The following HS1BP3 variants were observed in gnomAD, a reference collection of about 807,000 sequenced individuals.
The protein encoded by HS1BP3 is HCLS1-binding protein 3.
HS1BP3 carries 32 observed loss-of-function variants against 33.5 expected under a neutral mutation model. That is an observed-to-expected ratio of 0.95 (90% CI 0.72 to 1.28). The LOEUF (loss-of-function observed/expected upper bound fraction) is 1.28. Ranked by LOEUF, HS1BP3 falls within the 50% of genes most tolerant of loss-of-function variation. The pLI is 0.00. For missense variants in HS1BP3, 486 were observed against 502.3 expected, an observed-to-expected ratio of 0.97 and a Z score of 0.31; for synonymous variants, 187 against 209.2, an observed-to-expected ratio of 0.89 and a Z score of 0.92.
intron 5 of HS1BP3, 148 bp from the exon 6 acceptor site, chr2:20,624,179 T>C (rs999531614): frequency 1.0e-5 from 11 of 1,061,654 alleles, no homozygotes; most frequent in Non-Finnish European, 1.4e-5. Flanking sequence ...TGGTGCTGCT[T>C]TGTAACTGTC....
At chr2:20,620,103 G>A (rs1426232298) in intron 6 of HS1BP3, among the ~76,000 whole-genome samples, 1 of 152,268 alleles carries the variant, frequency 6.6e-6, no homozygotes, top group Non-Finnish European at 1.5e-5. Flanking sequence ...TTGATTTCTG[G>A]AGACCAGATG....
intron 5 of HS1BP3, among the ~76,000 whole-genome samples, chr2:20,566,207 T>G (rs529213501): frequency 4.7e-4 from 71 of 152,300 alleles, no homozygotes; most frequent in African/African-American, 1.6e-3. Context: ...CCAGACTTAT[T>G]CCCCTGCAGT....
chr2:20,650,512 C>T lies in HS1BP3; in HGVS notation c.32+520G>A, dbSNP rs369477749. ...CTCCCTGGTCTCTCATCAAACTCAT[C>T]CTCCCAGAAACCGGGTTCCTGCCCT... is the stretch of plus-strand genomic sequence containing the variant. On this transcript the variant is annotated intron_variant, in intron 1 of 6. Coordinates refer to ENST00000304031, the MANE Select transcript of HS1BP3 (RefSeq NM_022460.4). Among the ~76,000 whole-genome samples the T allele has an allele frequency of 9.8e-5, 15 of 152,312 alleles. No individual in the cohort carries two copies. In the South Asian group the frequency reaches 2.7e-3, roughly 27 times the overall value.
At chr2:20,599,029 G>T (rs180878273) in intron 2 of HS1BP3, among the ~76,000 whole-genome samples, 1 of 152,226 alleles carries the variant, frequency 6.6e-6, no homozygotes, top group Admixed American at 6.5e-5. Flanking sequence ...ATGGGGTGAG[G>T]TCGGTGGAAA....
chr2:20,610,899 C>T (rs4666439), intron 2 of HS1BP3, among the ~76,000 whole-genome samples: 56,491 of 152,112 alleles, frequency 0.37, 10,785 homozygotes, highest in East Asian at 0.58. Flanking sequence ...ATGCTCACAG[C>T]GTAGCACACT....
intron 2 of HS1BP3, 71 bp downstream of exon 2, chr2:20,645,269 G>T: frequency 2.0e-6 from 3 of 1,487,892 alleles, no homozygotes; most frequent in Non-Finnish European, 2.7e-6. Context: ...TTGAACCCTG[G>T]TGGGCAGATG....
At chr2:20,645,267 T>A in intron 2 of HS1BP3, 73 bp downstream of exon 2, 2 of 1,479,438 alleles carry the variant, frequency 1.4e-6, no homozygotes, top group Non-Finnish European at 1.8e-6. Context: ...ACTTGAACCC[T>A]GGTGGGCAGA....
downstream of HS1BP3, among the ~76,000 whole-genome samples, chr2:20,556,321 G>A (rs968025682): frequency 7.9e-5 from 12 of 152,188 alleles, no homozygotes; most frequent in African/African-American, 2.9e-4. Flanking sequence ...CTTAAACCTT[G>A]GTATGGTTTT....
intron 5 of HS1BP3, among the ~76,000 whole-genome samples, chr2:20,570,366 G>A (rs919775005): frequency 2.0e-5 from 3 of 152,150 alleles, no homozygotes; most frequent in African/African-American, 7.2e-5. Flanking sequence ...CTGAACTTGA[G>A]CTCTTGGGCT....
chr2:20,579,958 C>T (rs1227545675), intron 5 of HS1BP3, among the ~76,000 whole-genome samples: 1 of 152,260 alleles, frequency 6.6e-6, no homozygotes, highest in Non-Finnish European at 1.5e-5. Flanking sequence ...CTTCCTCCTG[C>T]CTTTAAAATG....
chr2:20,611,444 C>T lies in HS1BP3; in HGVS notation c.178+12452G>A, dbSNP rs1219935069. Among the ~76,000 whole-genome samples the T allele has an allele frequency of 6.6e-6, 1 of 152,204 alleles. No individual in the cohort carries two copies. Among genetic ancestry groups the T allele is most frequent in the Non-Finnish European group, 1.5e-5 (1 of 68,036 alleles). ...TGGGACTGCCAGAAACCTCTCTCCA[C>T]TTGACCACATCGTGCGCAAAGTTCA... On this transcript the variant is annotated intron_variant, in intron 2 of 3. Transcript: ENST00000415264. The surrounding 1 kb of genome is among the most constrained non-coding windows in gnomAD (Gnocchi z 4.9).
downstream of HS1BP3, among the ~76,000 whole-genome samples, chr2:20,587,677 C>T (rs934904451): frequency 1.3e-5 from 2 of 152,068 alleles, no homozygotes; most frequent in African/African-American, 2.4e-5. Flanking sequence ...ACCTGGGAGG[C>T]AGAGCTTGCA....
intron 2 of HS1BP3, among the ~76,000 whole-genome samples, chr2:20,605,765 T>C (rs913287532): frequency 2.6e-5 from 4 of 152,262 alleles, no homozygotes; most frequent in African/African-American, 9.6e-5. Flanking sequence ...CAGCACTTCT[T>C]GTACTAATAC....
At chr2:20,638,363 C>G in intron 4 of HS1BP3, 73 bp downstream of exon 4, 2 of 1,436,294 alleles carry the variant, frequency 1.4e-6, no homozygotes, top group Non-Finnish European at 1.9e-6. Context: ...TCTCAGATTC[C>G]AGGGAAGGGG....
At chr2:20,615,335 G>C (rs1694401247), downstream of HS1BP3, among the ~76,000 whole-genome samples, 1 of 152,228 alleles carries the variant, frequency 6.6e-6, no homozygotes, top group Non-Finnish European at 1.5e-5. Flanking sequence ...GGCTGCATGA[G>C]AACTCAAGGG....
chr2:20,616,570 T>C (rs1439388089), downstream of HS1BP3, among the ~76,000 whole-genome samples: 4 of 152,200 alleles, frequency 2.6e-5, no homozygotes, highest in African/African-American at 9.7e-5. Context: ...TCTTTCTTTC[T>C]ACATGGGTCT....
At chr2:20,627,706 C>A (rs1349008782) in intron 4 of HS1BP3, among the ~76,000 whole-genome samples, 2 of 152,110 alleles carry the variant, frequency 1.3e-5, no homozygotes, top group African/African-American at 4.8e-5. Flanking sequence ...ACCCATGCTG[C>A]CTGGGCTGCC....
chr2:20,603,622 A>G (rs1694114257), intron 2 of HS1BP3, among the ~76,000 whole-genome samples: 1 of 152,246 alleles, frequency 6.6e-6, no homozygotes, highest in African/African-American at 2.4e-5. Flanking sequence ...AGGAGTATAG[A>G]GTTTCTTTTA....
Position 20,645,390 on chromosome 2 carries a change from C to A in HS1BP3, c.148G>T (p.Ala50Ser), listed in dbSNP as rs2149304044. Residue 50 changes from alanine to serine, a missense_variant, in exon 2 of 7, where the codon GCT becomes TCT. Transcript: ENST00000304031. Reference protein sequence around the residue: ...EYQILVVTRLAAFKSAKHRPE... With the variant: ...EYQILVVTRLSAFKSAKHRPE... ...CTGTGCTTGGCCGACTTGAACGCAGCCAGACGGGTCACCACCAGGATCTGG... is the reference window on the plus strand; with the variant it reads ...CTGTGCTTGGCCGACTTGAACGCAGACAGACGGGTCACCACCAGGATCTGG... 6.2e-7 allele frequency: 1 copy of A among 1,614,072 alleles called. No individual in the cohort carries two copies. Among genetic ancestry groups the A allele is most frequent in the Non-Finnish European group, 8.5e-7 (1 of 1,179,998 alleles).
Sources: allele counts gnomAD v4.1 joint callset (sites outside exome capture counted in the v4.1 genomes callset), GRCh38; gene constraint gnomAD v4.1.1; non-coding constraint Gnocchi (gnomAD v3.1); transcripts MANE v1.5; gene names NCBI Gene and HGNC (gene_info 2026-07-23, HGNC 2026-07-21).